TMPRSS4: variants seen among roughly 807,000 people sequenced by gnomAD.
The protein encoded by TMPRSS4 is transmembrane serine protease 4, also known as transmembrane protease serine 4.
A neutral mutation model predicts 56.4 loss-of-function variants in TMPRSS4; 45 were observed. The observed-to-expected ratio is 0.80, with a 90% CI of 0.63 to 1.02. The LOEUF (loss-of-function observed/expected upper bound fraction) is 1.02. Ranked by LOEUF, TMPRSS4 falls within the 50% of genes least tolerant of loss-of-function variation. The pLI is 0.00. For synonymous variants in TMPRSS4, 205 were observed against 211.0 expected, an observed-to-expected ratio of 0.97 and a Z score of 0.25; for missense variants, 546 against 556.7, an observed-to-expected ratio of 0.98 and a Z score of 0.19.
intron 1 of TMPRSS4, among the ~76,000 whole-genome samples, chr11:118,094,154 A>G (rs552965201): frequency 6.6e-6 from 1 of 152,266 alleles, no homozygotes; most frequent in South Asian, 2.1e-4. Flanking sequence ...TCTATCCTGG[A>G]GCACAATTGC....
chr11:118,088,879 C>T (rs187518610), intron 1 of TMPRSS4, among the ~76,000 whole-genome samples: 2 of 152,306 alleles, frequency 1.3e-5, no homozygotes, highest in East Asian at 1.9e-4. Flanking sequence ...CAATTCTATC[C>T]GACCTCTGTT....
At chr11:118,113,241 G>T (rs772294067) in intron 8 of TMPRSS4, 28 bp from the exon 9 acceptor site, 4 of 1,608,948 alleles carry the variant, frequency 2.5e-6, no homozygotes, top group Non-Finnish European at 2.5e-6. Flanking sequence ...CTTGGATCAG[G>T]CCTGAACCCA....
intron 1 of TMPRSS4, among the ~76,000 whole-genome samples, chr11:118,083,525 A>G (rs1462885812): frequency 6.6e-6 from 1 of 152,188 alleles, no homozygotes; most frequent in Non-Finnish European, 1.5e-5. Flanking sequence ...CAGGCCCTCT[A>G]TGAAGCTCCT....
chr11:118,095,603 G>C (rs2135345732), intron 2 of TMPRSS4, among the ~76,000 whole-genome samples: 1 of 152,300 alleles, frequency 6.6e-6, no homozygotes, highest in African/African-American at 2.4e-5. Flanking sequence ...GAACACCAGG[G>C]TGCCAACTGC....
chr11:118,108,798 C>A, intron 6 of TMPRSS4, 58 bp from the exon 7 acceptor site: 1 of 1,586,560 alleles, frequency 6.3e-7, no homozygotes, highest in Non-Finnish European at 8.6e-7. Flanking sequence ...AGGCCTGAGT[C>A]CCTGCCTCCC....
At chr11:118,124,146 G>T (rs1459751253), downstream of TMPRSS4, among the ~76,000 whole-genome samples, 1 of 152,068 alleles carries the variant, frequency 6.6e-6, no homozygotes, top group African/African-American at 2.4e-5. Context: ...CAGCACTTTG[G>T]GAGGCCGAGT....
chr11:118,097,067 G>GAAAGGAAAGGAAAGGAAAGGAAAGGAA (rs369131999), intron 2 of TMPRSS4, among the ~76,000 whole-genome samples: 3 of 151,292 alleles, frequency 2.0e-5, no homozygotes, highest in Non-Finnish European at 4.4e-5. Context: ...GAAAGGAAAG[G>GAAAGGAAAGGAAAGGAAAGGAAAGGAA]AGGTAGTAGA....
At chr11:118,078,013 C>CAAAAAAAAAAA (rs148383275) in intron 1 of TMPRSS4, among the ~76,000 whole-genome samples, 4 of 71,050 alleles carry the variant, frequency 5.6e-5, no homozygotes, top group African/African-American at 2.2e-4. Flanking sequence ...AACTCCGTCT[C>CAAAAAAAAAAA]AAAAAAAAAA....
intron 3 of TMPRSS4, 199 bp from the exon 4 acceptor site, chr11:118,102,902 C>A: frequency 1.6e-6 from 1 of 626,462 alleles, no homozygotes; most frequent in Non-Finnish European, 2.8e-6. Flanking sequence ...GGGGGTGGGG[C>A]CGGTGTTACT....
chr11:118,108,765 G>T, intron 6 of TMPRSS4, 91 bp from the exon 7 acceptor site: 1 of 1,308,964 alleles, frequency 7.6e-7, no homozygotes, highest in East Asian at 2.3e-5. Flanking sequence ...TATTGGGAGG[G>T]GACTTGAATT....
In TMPRSS4 at chr11:118,120,601, T is replaced by C. The variant is rs1425133321; in HGVS notation, c.*2688T>C. The C allele has an allele frequency of 2.0e-5, 3 of 152,110 alleles. No homozygotes were observed. The highest frequency in any genetic ancestry group is 7.2e-5 in the African/African-American group (3 of 41,426). 9.4% of individuals were successfully genotyped at this position (152,110 alleles called of 1,614,324 possible). Reference sequence around the variant, plus strand: ...TTATAAAAATAAAAAACTAAGTGGATGGGGTAAATAACAATTAAAACACCA... The same window carrying C: ...TTATAAAAATAAAAAACTAAGTGGACGGGGTAAATAACAATTAAAACACCA... On this transcript the variant is annotated 3_prime_UTR_variant, in exon 13 of 13. Coordinates refer to ENST00000437212, the MANE Select transcript of TMPRSS4 (RefSeq NM_019894.4).
intron 1 of TMPRSS4, among the ~76,000 whole-genome samples, chr11:118,078,012 T>TC (rs1944802128): frequency 6.6e-5 from 1 of 15,194 alleles, no homozygotes; most frequent in Non-Finnish European, 1.0e-4. Context: ...AAACTCCGTC[T>TC]CAAAAAAAAA....
rs1227561806 is a variant in TMPRSS4, at chr11:118,096,910, AGGGAGAGAGAAAG to A, written c.43+2057_44-2061del. ...AAGAAAGAAAGAAAGAAAGAAAGAA[AGGGAGAGAGAAAG>A]GAAAGAAAGAAAGAGAAAGAAAGAA... On this transcript the variant is annotated intron_variant, in intron 2 of 12. Transcript: ENST00000437212. 1.3e-3 allele frequency among the ~76,000 whole-genome samples: 52 copies of A among 38,774 alleles called. 1 individual carries two copies. The highest frequency in any genetic ancestry group is 1.8e-3 in the East Asian group (4 of 2,252). 25.4% of individuals were successfully genotyped at this position (38,774 alleles called of 152,430 possible).
rs978067831 is a variant in TMPRSS4, at chr11:118,121,703, T to C, written c.*3790T>C. The C allele has an allele frequency of 4.6e-5, 7 of 152,140 alleles. No homozygotes were observed. Among genetic ancestry groups the C allele is most frequent in the Non-Finnish European group, 7.3e-5 (5 of 68,030 alleles). 9.4% of individuals were successfully genotyped at this position (152,140 alleles called of 1,614,324 possible). A position where few individuals can be genotyped will look rare whatever the true frequency, so the allele number is the denominator to read the frequency against. ...GTGGGTTAATTTTTTTTGAAACAGA[T>C]ATTGAATTTATTGGTTGGCTATGAG... On this transcript the variant is annotated 3_prime_UTR_variant, in exon 13 of 13. Coordinates refer to ENST00000437212, the MANE Select transcript of TMPRSS4 (RefSeq NM_019894.4).
rs578144060 is a variant in TMPRSS4 at position 118,079,873 on chromosome 11, T to C, written c.3+2568T>C. On this transcript the variant is annotated intron_variant, in intron 1 of 12. Transcript: ENST00000437212. Reference sequence around the variant, plus strand: ...GCCCTGGCAGTGCCATCCTAGGCTCTGAGGTGGTAAACTGAGCTGGGCAGT... The same window carrying C: ...GCCCTGGCAGTGCCATCCTAGGCTCCGAGGTGGTAAACTGAGCTGGGCAGT... 5.3e-5 allele frequency among the ~76,000 whole-genome samples: 8 copies of C among 152,304 alleles called. No individual in the cohort carries two copies. The East Asian group carries it at 1.5e-3, about 29-fold the overall frequency.
chr11:118,109,692 G>C (rs931209953), intron 7 of TMPRSS4, among the ~76,000 whole-genome samples: 1 of 152,230 alleles, frequency 6.6e-6, no homozygotes, highest in Non-Finnish European at 1.5e-5. Context: ...AAGCTTCATA[G>C]AGAACTGAGA....
At chr11:118,101,707 G>A (rs962990524) in intron 3 of TMPRSS4, among the ~76,000 whole-genome samples, 12 of 151,950 alleles carry the variant, frequency 7.9e-5, no homozygotes, top group Non-Finnish European at 1.6e-4. Flanking sequence ...TTGAATTCCT[G>A]GGCTCAAACA....
rs1348119277 is a variant in TMPRSS4, at chr11:118,105,795, A to T, written c.440+975A>T. The T allele has an allele frequency of 2.0e-5, 3 of 152,026 alleles. No individual in the cohort carries two copies. In the East Asian group the frequency reaches 5.8e-4, roughly 29 times the overall value. 9.4% of individuals were successfully genotyped at this position (152,026 alleles called of 1,614,324 possible). The stretch of plus-strand genomic sequence containing the variant: ...AGGCCAAACAAACAAACAAACAAAA[A>T]CTCTACTAGGCAGACATCACCAACC... On this transcript the variant is annotated intron_variant, in intron 5 of 12. Coordinates refer to ENST00000437212, the MANE Select transcript of TMPRSS4 (RefSeq NM_019894.4).
chr11:118,117,696 C>G, intron 12 of TMPRSS4: 2 of 985,438 alleles, frequency 2.0e-6, no homozygotes, highest in South Asian at 9.4e-5. Flanking sequence ...TTTCTCTTTT[C>G]TGACAGAATG....
Sources: gnomAD v4.1 joint callset for allele counts (sites outside exome capture counted in the v4.1 genomes callset) on GRCh38, gnomAD v4.1.1 for gene constraint, MANE v1.5 for transcripts, NCBI Gene and HGNC (gene_info 2026-07-23, HGNC 2026-07-21) for gene names.